E2F3: variants seen among roughly 807,000 people sequenced by gnomAD.
E2F3 encodes E2F transcription factor 3, also known as transcription factor E2F3.
In E2F3, 11 loss-of-function variants were observed where a neutral mutation model predicts 44.4. The observed-to-expected ratio is 0.25, with a 90% CI of 0.16 to 0.41. The LOEUF (loss-of-function observed/expected upper bound fraction) is 0.41. Among genes scored for constraint, E2F3 ranks in the 10% least tolerant of loss-of-function variants. The pLI is 1.00. For synonymous variants in E2F3, 249 were observed against 253.0 expected, an observed-to-expected ratio of 0.98 and a Z score of 0.15; for missense variants, 487 against 583.6, an observed-to-expected ratio of 0.83 and a Z score of 1.70.
Position 20,402,121 on chromosome 6 carries a change from C to A in E2F3, c.-112C>A, listed in dbSNP as rs1478797327. ...AGAGAGAGAGGGGGCTCGGAAGCGCCGGGCGGGGAGGAGAGAAGGAGGAGA... is the reference window on the plus strand; with the variant it reads ...AGAGAGAGAGGGGGCTCGGAAGCGCAGGGCGGGGAGGAGAGAAGGAGGAGA... On this transcript the variant is annotated 5_prime_UTR_variant, in exon 1 of 7. Coordinates refer to ENST00000346618, the MANE Select transcript of E2F3 (RefSeq NM_001949.5). This position sits in a 1 kb window ranked among gnomAD's most constrained non-coding sequence, Gnocchi z 5.6. 1.3e-5 allele frequency: 18 copies of A among 1,426,418 alleles called. No individual in the cohort carries two copies. The highest frequency in any genetic ancestry group is 1.5e-5 in the Non-Finnish European group (17 of 1,097,336). 88.4% of individuals were successfully genotyped at this position (1,426,418 alleles called of 1,614,324 possible). A position where few individuals can be genotyped will look rare whatever the true frequency, so the allele number is the denominator to read the frequency against.
intron 5 of E2F3, among the ~76,000 whole-genome samples, 200 bp from the exon 6 acceptor site, chr6:20,487,913 G>A (rs530600556): frequency 6.6e-6 from 1 of 152,336 alleles, no homozygotes; most frequent in Non-Finnish European, 1.5e-5. Context: ...AAGCCACTTG[G>A]TGAACTGGAT....
chr6:20,445,929 G>A (rs745716479), intron 1 of E2F3, among the ~76,000 whole-genome samples: 6 of 152,300 alleles, frequency 3.9e-5, no homozygotes, highest in Non-Finnish European at 5.9e-5. Flanking sequence ...TGCAAGGCAG[G>A]GCACCAGCCC....
intron 1 of E2F3, among the ~76,000 whole-genome samples, chr6:20,467,757 T>C (rs964602865): frequency 2.6e-5 from 4 of 152,176 alleles, no homozygotes; most frequent in Admixed American, 6.5e-5. Flanking sequence ...TATTTTGTTT[T>C]TTTCTTATTA....
intron 1 of E2F3, 38 bp from the exon 2 acceptor site, chr6:20,479,808 T>C (rs773746292): frequency 1.6e-4 from 245 of 1,563,198 alleles, no homozygotes; most frequent in Non-Finnish European, 2.0e-4. Flanking sequence ...TTCTTGTCCA[T>C]ATGACCGGTG....
At position 20,402,386 on chromosome 6, in the gene E2F3, G is replaced by C. The variant is rs766106916; in HGVS notation, c.154G>C (p.Ala52Pro). The change falls in exon 1 of 7, where the codon GCC becomes CCC. Residue 52 changes from alanine to proline, a missense_variant. Ala to Pro is a conservative substitution (Grantham distance 27). Transcript: ENST00000346618. The surrounding 1 kb of genome is among the most constrained non-coding windows in gnomAD (Gnocchi z 5.6). ...PGFAAAAAAA[A>P]APGAYIQILT... The stretch of plus-strand genomic sequence containing the variant: ...CTTCGCCGCCGCCGCCGCCGCTGCC[G>C]CCGCCCCGGGCGCGTACATCCAGAT... The C allele has an allele frequency of 5.0e-6, 8 of 1,608,904 alleles. No individual in the cohort carries two copies. Among genetic ancestry groups the C allele is most frequent in the Non-Finnish European group, 6.8e-6 (8 of 1,178,444 alleles).
intron 1 of E2F3, among the ~76,000 whole-genome samples, chr6:20,426,942 T>C (rs1010934981): frequency 6.6e-6 from 1 of 152,238 alleles, no homozygotes. Flanking sequence ...CATGAAACTA[T>C]GGGTGAGACA....
intron 1 of E2F3, among the ~76,000 whole-genome samples, chr6:20,445,747 A>G (rs1760924144): frequency 6.6e-6 from 1 of 152,226 alleles, no homozygotes; most frequent in African/African-American, 2.4e-5. Flanking sequence ...GCTAATTGAT[A>G]TACATAAGAC....
chr6:20,430,842 T>C (rs147559207), intron 1 of E2F3, among the ~76,000 whole-genome samples: 3,331 of 152,222 alleles, frequency 0.022, 57 homozygotes, highest in Non-Finnish European at 0.036. Context: ...CTGGTCAACA[T>C]GGCAAAACCC....
At chr6:20,438,801 C>T (rs1338696302) in intron 1 of E2F3, among the ~76,000 whole-genome samples, 1 of 152,138 alleles carries the variant, frequency 6.6e-6, no homozygotes, top group East Asian at 1.9e-4. Flanking sequence ...CAGATAATTG[C>T]CAGCTGTCTC....
chr6:20,424,178 TTTA>T (rs1760123669), intron 1 of E2F3, among the ~76,000 whole-genome samples: 2 of 151,518 alleles, frequency 1.3e-5, no homozygotes, highest in South Asian at 4.2e-4. Context: ...GCTTCATAAT[TTTA>T]TTATTTTGAT....
chr6:20,475,127 C>T (rs1310334262), intron 1 of E2F3, among the ~76,000 whole-genome samples: 6 of 152,232 alleles, frequency 3.9e-5, no homozygotes, highest in African/African-American at 7.2e-5. Context: ...GGTTCAACAT[C>T]ATGGACCTTC....
chr6:20,422,659 C>T (rs2127590339), intron 1 of E2F3, among the ~76,000 whole-genome samples: 1 of 152,226 alleles, frequency 6.6e-6, no homozygotes, highest in Non-Finnish European at 1.5e-5. Flanking sequence ...TACTAATTAG[C>T]CTAATTTCAG....
At chr6:20,409,805 C>T (rs1031162699) in intron 1 of E2F3, among the ~76,000 whole-genome samples, 2 of 152,176 alleles carry the variant, frequency 1.3e-5, no homozygotes, top group South Asian at 2.1e-4. Flanking sequence ...CATAATCTAA[C>T]GTGGCTGTAG....
chr6:20,433,213 ATGTTT>A (rs1238393597), intron 1 of E2F3, among the ~76,000 whole-genome samples: 6 of 152,122 alleles, frequency 3.9e-5, no homozygotes, highest in Non-Finnish European at 7.3e-5. Context: ...CCCCTTTCTA[ATGTTT>A]TGTTTTGTTT....
intron 1 of E2F3, among the ~76,000 whole-genome samples, chr6:20,432,345 G>C (rs572701909): frequency 2.0e-5 from 3 of 152,164 alleles, no homozygotes; most frequent in African/African-American, 7.2e-5. Flanking sequence ...GATTAACTGC[G>C]CAGCCTGTGT....
intron 4 of E2F3, among the ~76,000 whole-genome samples, chr6:20,484,952 CAAA>C (rs575881477): frequency 1.3e-4 from 8 of 62,394 alleles, no homozygotes; most frequent in Admixed American, 3.8e-4. Flanking sequence ...GAGTCCGTCT[CAAA>C]AAAAAAAAAA....
intron 1 of E2F3, among the ~76,000 whole-genome samples, chr6:20,436,206 C>T (rs1760570628): frequency 6.6e-6 from 1 of 152,150 alleles, no homozygotes; most frequent in Non-Finnish European, 1.5e-5. Context: ...GTCTCAAACT[C>T]CTGACCTCAG....
intron 1 of E2F3, among the ~76,000 whole-genome samples, chr6:20,426,715 T>G (rs939232179): frequency 6.6e-6 from 1 of 152,236 alleles, no homozygotes; most frequent in African/African-American, 2.4e-5. Flanking sequence ...CTTTCCCTCA[T>G]GCCCAGGGCT....
intron 1 of E2F3, among the ~76,000 whole-genome samples, chr6:20,460,993 C>CT (rs991515178): frequency 1.2e-4 from 6 of 51,980 alleles, no homozygotes; most frequent in Admixed American, 2.7e-4. Flanking sequence ...AAGACTCTAT[C>CT]TCCAAAAAAA....
Sources: allele counts gnomAD v4.1 joint callset (sites outside exome capture counted in the v4.1 genomes callset), GRCh38; gene constraint gnomAD v4.1.1; non-coding constraint Gnocchi (gnomAD v3.1); transcripts MANE v1.5; gene names NCBI Gene and HGNC (gene_info 2026-07-23, HGNC 2026-07-21).